Variants in POF1B observed in about 807,000 individuals in gnomAD.
POF1B encodes POF1B actin binding protein.
A neutral mutation model predicts 55.3 loss-of-function variants in POF1B; 53 were observed. The ratio of observed to expected loss-of-function variants is 0.96; its 90% CI spans 0.77 to 1.20. The LOEUF is 1.20. Among genes scored for constraint, POF1B ranks in the 50% most tolerant of loss-of-function variants. POF1B has a pLI of 0.00. For synonymous variants in POF1B, 188 were observed against 148.3 expected (o/e 1.27, Z -1.95); for missense variants, 478 against 420.5 (o/e 1.14, Z -1.20).
Position 85,282,126 on chromosome X carries a change from T to C in POF1B, c.1764+77A>G, listed in dbSNP as rs151042142. On this transcript the variant is annotated intron_variant, in intron 16 of 16. Transcript: ENST00000262753. ...AAAAATACTCAAAGTTTTTAGTTCA[T>C]TTGATATTTTACCTCAATTTTAAAA... 55,077 of 1,013,575 alleles carry C rather than the reference T, an allele frequency of 0.054. 1,216 individuals are homozygous for C. Among genetic ancestry groups the C allele is most frequent in the Middle Eastern group, 0.074 (222 of 3,003 alleles). 83.5% of individuals were successfully genotyped at this position (1,013,575 alleles called of 1,213,427 possible).
intron 2 of POF1B, among the ~76,000 whole-genome samples, chrX:85,375,717 A>G (rs773083374): frequency 4.5e-5 from 5 of 111,634 alleles, no homozygotes; most frequent in Non-Finnish European, 7.5e-5. Context: ...AGAGTTATCC[A>G]CAATCTTTGC....
rs139838257 is a variant in POF1B at position 85,359,405 on chromosome X, T to A, written c.438+145A>T. On this transcript the variant is annotated intron_variant, in intron 4 of 16. Transcript: ENST00000262753. ...GTTGTTTGGCATTAAAGATGGCATT[T>A]ATTGATACTGATAATCAGCAATTTA... The A allele has an allele frequency of 2.8e-3, 1,310 of 460,158 alleles. 9 individuals are homozygous for A. In the African/African-American group the frequency reaches 0.03, roughly 10 times the overall value. 37.9% of individuals were successfully genotyped at this position (460,158 alleles called of 1,213,427 possible). A position where few individuals can be genotyped will look rare whatever the true frequency, so the allele number is the denominator to read the frequency against.
Position 85,379,638 on chromosome X carries a change from C to A in POF1B, c.-42+1G>T. 2.1e-6 allele frequency: 1 copy of A among 472,322 alleles called. No homozygotes were observed. Among genetic ancestry groups the A allele is most frequent in the Non-Finnish European group, 3.5e-6 (1 of 284,302 alleles). The allele number at this position is 472,322 out of a possible 1,213,427, so 38.9% of individuals were successfully genotyped here. Reference sequence around the variant, plus strand: ...TGGTGCCGGGAAGAGAAGAAAGCTACCTGAGCAGCAGCAAGAGCAGGTCTG... The same window carrying A: ...TGGTGCCGGGAAGAGAAGAAAGCTAACTGAGCAGCAGCAAGAGCAGGTCTG... On this transcript the variant is annotated splice_donor_variant, in intron 1 of 16. Transcript: ENST00000262753. LOFTEE classifies it low-confidence loss of function (5UTR_SPLICE).
intron 3 of POF1B, among the ~76,000 whole-genome samples, chrX:85,367,037 C>G (rs776439721): frequency 2.2e-4 from 24 of 111,225 alleles, no homozygotes; most frequent in Non-Finnish European, 4.1e-4. Context: ...ACAGCATCTC[C>G]CGCCTTCCTA....
At chrX:85,279,476 C>A in intron 16 of POF1B, 50 bp from the exon 17 acceptor site, 1 of 1,105,819 alleles carries the variant, frequency 9.0e-7, no homozygotes, top group East Asian at 3.0e-5. Context: ...TAATTAAAGT[C>A]ATTGTTACTA....
chrX:85,298,481 C>T (rs765029318), intron 15 of POF1B, among the ~76,000 whole-genome samples: 9 of 111,732 alleles, frequency 8.1e-5, no homozygotes, highest in African/African-American at 2.6e-4. Flanking sequence ...GGACCAGGAA[C>T]TAATCCTGGT....
At chrX:85,289,242 A>G (rs1932127039) in intron 15 of POF1B, among the ~76,000 whole-genome samples, 1 of 112,132 alleles carries the variant, frequency 8.9e-6, no homozygotes, top group Admixed American at 9.5e-5. Flanking sequence ...TGGACAGACC[A>G]TCAACACAGG....
intron 4 of POF1B, among the ~76,000 whole-genome samples, chrX:85,357,783 C>T (rs1441394067): frequency 9.0e-6 from 1 of 111,206 alleles, no homozygotes; most frequent in Non-Finnish European, 1.9e-5. Flanking sequence ...CACTCATTCC[C>T]ATAGCTTCAA....
intron 3 of POF1B, among the ~76,000 whole-genome samples, chrX:85,363,745 G>A (rs1032935079): frequency 4.5e-5 from 5 of 111,365 alleles, no homozygotes; most frequent in South Asian, 3.8e-4. Flanking sequence ...GGAGAGTTCC[G>A]TAGAGGTCTA....
chrX:85,304,531 A>T, intron 13 of POF1B, 60 bp from the exon 14 acceptor site: 1 of 723,241 alleles, frequency 1.4e-6, no homozygotes, highest in Non-Finnish European at 1.8e-6. Flanking sequence ...TGTGTAACTG[A>T]GTTCCAGGGA....
chrX:85,352,901 A>T (rs1933417380), intron 4 of POF1B, among the ~76,000 whole-genome samples: 1 of 111,670 alleles, frequency 9.0e-6, no homozygotes, highest in Admixed American at 9.6e-5. Flanking sequence ...ATTTTAAAGG[A>T]CTATAAATAA....
chrX:85,285,824 C>T (rs1051720045), intron 15 of POF1B, among the ~76,000 whole-genome samples: 2 of 110,991 alleles, frequency 1.8e-5, no homozygotes, highest in African/African-American at 3.3e-5. Context: ...AAATGACCAG[C>T]TTACTCGTCT....
At chrX:85,351,100 T>C (rs1199166935) in intron 5 of POF1B, among the ~76,000 whole-genome samples, 1 of 111,688 alleles carries the variant, frequency 9.0e-6, no homozygotes, top group African/African-American at 3.2e-5. Context: ...GATTCTGCCA[T>C]TAATTTTCTA....
chrX:85,367,800 A>G, intron 2 of POF1B, 34 bp from the exon 3 acceptor site: 1 of 927,138 alleles, frequency 1.1e-6, no homozygotes, highest in Non-Finnish European at 1.5e-6. Flanking sequence ...TTCAGAAATT[A>G]TTTGAAAGTC....
intron 3 of POF1B, among the ~76,000 whole-genome samples, chrX:85,366,087 T>A (rs983439126): frequency 1.8e-5 from 2 of 112,018 alleles, no homozygotes; most frequent in Admixed American, 1.9e-4. Flanking sequence ...AAATGGTTAA[T>A]AAACTTAACA....
intron 7 of POF1B, among the ~76,000 whole-genome samples, chrX:85,325,175 T>C (rs1026269418): frequency 1.8e-5 from 2 of 111,425 alleles, no homozygotes; most frequent in African/African-American, 6.5e-5. Flanking sequence ...GGTGATCTTC[T>C]TGTGTAGTAT....
intron 6 of POF1B, among the ~76,000 whole-genome samples, chrX:85,332,444 G>C (rs1932995289): frequency 9.0e-6 from 1 of 110,640 alleles, no homozygotes; most frequent in Admixed American, 9.7e-5. Flanking sequence ...GGGCACTGTG[G>C]CTCCCATCCC....
chrX:85,317,027 C>T (rs1324582178), intron 7 of POF1B, among the ~76,000 whole-genome samples: 1 of 110,357 alleles, frequency 9.1e-6, no homozygotes, highest in Non-Finnish European at 1.9e-5. Flanking sequence ...CCTCCAGCTC[C>T]GTCCATGTCC....
intron 9 of POF1B, among the ~76,000 whole-genome samples, chrX:85,310,237 T>C (rs1444249164): frequency 8.9e-6 from 1 of 112,002 alleles, no homozygotes; most frequent in Non-Finnish European, 1.9e-5. Flanking sequence ...ATCAAGATAA[T>C]AGAAATGTTA....
Sources: gnomAD v4.1 joint callset for allele counts (sites outside exome capture counted in the v4.1 genomes callset) on GRCh38, gnomAD v4.1.1 for gene constraint, MANE v1.5 for transcripts, NCBI Gene and HGNC (gene_info 2026-07-23, HGNC 2026-07-21) for gene names.